LRCH3: variants seen among roughly 807,000 people sequenced by gnomAD.
The protein encoded by LRCH3 is DISP complex protein LRCH3.
Under a neutral mutation model 104.5 loss-of-function variants are expected in LRCH3, and 68 were observed. The ratio of observed to expected loss-of-function variants is 0.65; its 90% CI spans 0.54 to 0.80. LRCH3 has a LOEUF of 0.80. LRCH3 is among the 30% of genes least tolerant of loss of function. The probability of loss-of-function intolerance (pLI) is 0.00; values close to 1 mark genes in which losing one functional copy is unlikely to be tolerated. For missense variants in LRCH3, 951 were observed against 953.9 expected, an observed-to-expected ratio of 1.00 and a Z score of 0.04; for synonymous variants, 344 against 361.3, an observed-to-expected ratio of 0.95 and a Z score of 0.54.
intron 13 of LRCH3, 101 bp downstream of exon 13, chr3:197,852,721 C>T (rs1319358715): frequency 1.6e-5 from 20 of 1,231,410 alleles, no homozygotes; most frequent in Non-Finnish European, 2.4e-5. Context: ...CGGAATATTG[C>T]CATTTTTCTT....
chr3:197,839,902 G>A (rs1256261065), intron 10 of LRCH3, among the ~76,000 whole-genome samples: 1 of 151,708 alleles, frequency 6.6e-6, no homozygotes, highest in Admixed American at 6.6e-5. Flanking sequence ...GAACTGGGAG[G>A]GTGAGACTGC....
intron 10 of LRCH3, among the ~76,000 whole-genome samples, chr3:197,846,159 CG>C (rs1738651786): frequency 6.6e-6 from 1 of 151,874 alleles, no homozygotes; most frequent in South Asian, 2.1e-4. Flanking sequence ...TCCCAGCACT[CG>C]GAGGCCTCGG....
chr3:197,825,454 A>T (rs1342726428), intron 4 of LRCH3, among the ~76,000 whole-genome samples: 19 of 47,520 alleles, frequency 4.0e-4, no homozygotes, highest in Admixed American at 9.2e-4. Context: ...CTCTTTGTTG[A>T]TCCTCTTTGA....
At chr3:197,859,066 T>A (rs1233011371) in intron 15 of LRCH3, 161 bp downstream of exon 15, 1 of 634,684 alleles carries the variant, frequency 1.6e-6, no homozygotes, top group Non-Finnish European at 2.8e-6. Flanking sequence ...TTGAAATTTT[T>A]TGAAAGTTTT....
intron 15 of LRCH3, among the ~76,000 whole-genome samples, chr3:197,863,178 A>G (rs555389308): frequency 2.3e-4 from 35 of 152,300 alleles, no homozygotes; most frequent in Admixed American, 1.9e-3. Flanking sequence ...GTCGTATCAT[A>G]AAGTTATAAT....
Position 197,875,701 on chromosome 3 carries a change from A to C in LRCH3, c.2134A>C (p.Lys712Gln). The change falls in exon 20 of 21, where the codon AAA becomes CAA. Residue 712 changes from lysine (K) to glutamine (Q), a missense_variant. Physicochemically the swap from Lys to Gln is moderately conservative, Grantham distance 53. Transcript: ENST00000425562. Reference protein sequence around the residue: ...SIHVPSPAVPKLTMAKCRRNV... With the variant: ...SIHVPSPAVPQLTMAKCRRNV... The stretch of plus-strand genomic sequence containing the variant: ...CATTTTCTTTTCCTCATTTCAGCCT[A>C]AATTAACAATGGCGAAATGCAGGCG... 1 of 1,534,066 alleles carries C rather than the reference A, an allele frequency of 6.5e-7. No individual in the cohort carries two copies. Among genetic ancestry groups the C allele is most frequent in the Non-Finnish European group, 8.7e-7 (1 of 1,146,206 alleles).
intron 9 of LRCH3, among the ~76,000 whole-genome samples, chr3:197,836,070 A>G (rs932768705): frequency 6.6e-6 from 1 of 152,190 alleles, no homozygotes; most frequent in African/African-American, 2.4e-5. Context: ...GGAATAAAAG[A>G]AGTCTAGGTA....
upstream of LRCH3, chr3:197,791,231 G>A (rs889624568): frequency 2.5e-6 from 4 of 1,589,192 alleles, no homozygotes; most frequent in Admixed American, 3.5e-5. Context: ...CCAGCGGTCC[G>A]GCCGCGCATG....
intron 20 of LRCH3, among the ~76,000 whole-genome samples, chr3:197,880,045 C>A (rs183106282): frequency 0.15 from 22,732 of 146,888 alleles, 2,901 homozygotes; most frequent in African/African-American, 0.36. Flanking sequence ...TCCCGGGTTC[C>A]CGCCATTCTC....
At chr3:197,806,900 A>G (rs965389476) in intron 1 of LRCH3, among the ~76,000 whole-genome samples, 8 of 151,432 alleles carry the variant, frequency 5.3e-5, no homozygotes, top group Non-Finnish European at 1.0e-4. Flanking sequence ...TTAGCCTGAC[A>G]TGGTTCCGCA....
At chr3:197,833,816 T>TC (rs1329099300) in intron 8 of LRCH3, among the ~76,000 whole-genome samples, 3 of 152,186 alleles carry the variant, frequency 2.0e-5, no homozygotes, top group Non-Finnish European at 2.9e-5. Flanking sequence ...GCCACACTGG[T>TC]CTAGATTGGA....
chr3:197,879,968 C>A (rs377289073), intron 20 of LRCH3, among the ~76,000 whole-genome samples: 3 of 146,566 alleles, frequency 2.0e-5, no homozygotes, highest in African/African-American at 5.1e-5. Context: ...TTTTTTGAGA[C>A]GGAGTCTCGC....
At chr3:197,866,719 C>T (rs1343435871) in intron 17 of LRCH3, among the ~76,000 whole-genome samples, 1 of 152,156 alleles carries the variant, frequency 6.6e-6, no homozygotes, top group African/African-American at 2.4e-5. Context: ...ACTTGGGAAG[C>T]TGGCGGGGAG....
At chr3:197,812,795 C>T (rs1189032341) in intron 1 of LRCH3, among the ~76,000 whole-genome samples, 5 of 152,110 alleles carry the variant, frequency 3.3e-5, no homozygotes, top group Admixed American at 3.3e-4. Context: ...CTCCTGACCT[C>T]AAGTGATCCA....
chr3:197,828,211 C>T (rs994383068), intron 5 of LRCH3, among the ~76,000 whole-genome samples: 6 of 152,110 alleles, frequency 3.9e-5, no homozygotes, highest in Non-Finnish European at 7.3e-5. Flanking sequence ...CTACTTTAGA[C>T]AGTTTGGTCA....
intron 10 of LRCH3, among the ~76,000 whole-genome samples, chr3:197,845,190 C>T (rs749238212): frequency 4.6e-5 from 7 of 152,016 alleles, no homozygotes; most frequent in Non-Finnish European, 7.4e-5. Flanking sequence ...GGGTGGTTTG[C>T]TTGAGCCCAG....
At position 197,835,841 on chromosome 3, in the gene LRCH3, C is replaced by T. The variant is rs777614349; in HGVS notation, c.1251+19C>T. On this transcript the variant is annotated intron_variant, in intron 9 of 20. Coordinates refer to ENST00000425562, the MANE Select transcript of LRCH3 (RefSeq NM_001365715.1). ...TCATGAGGTAGTACACAGATTGAAGCCTAAATATGTTGCTATCCCTTCATA... is the reference window on the plus strand; with the variant it reads ...TCATGAGGTAGTACACAGATTGAAGTCTAAATATGTTGCTATCCCTTCATA... 1 of 1,610,132 alleles carries T rather than the reference C, an allele frequency of 6.2e-7. No homozygotes were observed. Among genetic ancestry groups the T allele is most frequent in the South Asian group, 1.1e-5 (1 of 90,502 alleles).
chr3:197,832,745 A>G (rs1289198851), intron 8 of LRCH3, among the ~76,000 whole-genome samples: 1 of 150,282 alleles, frequency 6.7e-6, no homozygotes, highest in African/African-American at 2.5e-5. Flanking sequence ...GATGCTCTTC[A>G]AAGTCATCTG....
intron 1 of LRCH3, among the ~76,000 whole-genome samples, chr3:197,792,579 A>ATATATATATATATAT (rs1730677449): frequency 2.6e-5 from 1 of 38,086 alleles, no homozygotes; most frequent in African/African-American, 1.5e-4. Context: ...AGCTAATTTT[A>ATATATATATATATAT]TATATATATA....
Sources: allele counts gnomAD v4.1 joint callset (sites outside exome capture counted in the v4.1 genomes callset), GRCh38; gene constraint gnomAD v4.1.1; transcripts MANE v1.5; gene names NCBI Gene and HGNC (gene_info 2026-07-23, HGNC 2026-07-21).